The following MYRFL variants were observed in gnomAD, a reference collection of about 807,000 sequenced individuals.
MYRFL encodes the protein myelin regulatory factor like.
MYRFL carries 88 observed loss-of-function variants against 109.4 expected under a neutral mutation model. That is an observed-to-expected ratio of 0.80 (90% confidence interval 0.68 to 0.96). The LOEUF is 0.96. MYRFL is among the 40% of genes least tolerant of loss of function. The pLI is 0.00. For missense variants in MYRFL, 957 were observed against 954.9 expected, an observed-to-expected ratio of 1.00 and a Z score of -0.03; for synonymous variants, 324 against 320.9, an observed-to-expected ratio of 1.01 and a Z score of -0.10.
At chr12:69,882,840 A>G (rs1271724) in intron 5 of MYRFL, among the ~76,000 whole-genome samples, 115,571 of 152,086 alleles carry the variant, frequency 0.76, 43,997 homozygotes, top group East Asian at 0.83. Flanking sequence ...AGTCATGGCC[A>G]GTGGCCCACA....
intron 8 of MYRFL, among the ~76,000 whole-genome samples, chr12:69,894,584 C>T (rs911512653): frequency 6.6e-6 from 1 of 152,186 alleles, no homozygotes; most frequent in African/African-American, 2.4e-5. Context: ...ACTTAGAAGT[C>T]ATTTTTCCTT....
At chr12:69,949,342 G>C (rs928529228) in intron 19 of MYRFL, among the ~76,000 whole-genome samples, 1 of 151,792 alleles carries the variant, frequency 6.6e-6, no homozygotes, top group African/African-American at 2.4e-5. Context: ...ACTTTAAAAA[G>C]ATACATTAAA....
At chr12:69,873,003 C>T (rs548544864) in intron 2 of MYRFL, among the ~76,000 whole-genome samples, 1 of 152,140 alleles carries the variant, frequency 6.6e-6, no homozygotes, top group Non-Finnish European at 1.5e-5. Flanking sequence ...AATAGACCTC[C>T]TTATTCATGG....
intron 2 of MYRFL, among the ~76,000 whole-genome samples, chr12:69,877,001 G>GTCGT (rs1885702594): frequency 1.3e-5 from 1 of 78,546 alleles, no homozygotes; most frequent in African/African-American, 4.6e-5. Context: ...AAGGGTCCAG[G>GTCGT]TCTTTCTTTC....
At chr12:69,847,730 T>C (rs1443006016) in intron 1 of MYRFL, among the ~76,000 whole-genome samples, 1 of 152,208 alleles carries the variant, frequency 6.6e-6, no homozygotes, top group Non-Finnish European at 1.5e-5. Context: ...ATAAGACAAC[T>C]ATGATTTTTG....
rs79962683 is a variant in MYRFL at position 69,849,421 on chromosome 12, T to C, written c.47-5859T>C. 5.8e-3 allele frequency among the ~76,000 whole-genome samples: 890 copies of C among 152,368 alleles called. 11 individuals carry two copies. Among genetic ancestry groups the C allele is most frequent in the African/African-American group, 0.019 (790 of 41,584 alleles). ...CAGCATTTTATTTAGGATTTGAGTA[T>C]ACCATTCACAAATTATATTAGTCTA... On this transcript the variant is annotated intron_variant, in intron 1 of 24. Transcript: ENST00000552032.
At chr12:69,839,645 G>A (rs2464285) in intron 1 of MYRFL, among the ~76,000 whole-genome samples, 95,400 of 152,030 alleles carry the variant, frequency 0.63, 30,671 homozygotes, top group Non-Finnish European at 0.69. Flanking sequence ...TTCTCTGAAA[G>A]ATAGGGATAA....
At chr12:69,860,999 T>G (rs1884625179) in intron 2 of MYRFL, among the ~76,000 whole-genome samples, 1 of 148,372 alleles carries the variant, frequency 6.7e-6, no homozygotes, top group Non-Finnish European at 1.5e-5. Flanking sequence ...TATGCAGTGT[T>G]TGGTTTTTTG....
At position 69,952,861 on chromosome 12, in the gene MYRFL, T is replaced by C. The variant is rs1337789843; in HGVS notation, c.2350T>C (p.Tyr784His). The C allele has an allele frequency of 4.6e-6, 7 of 1,535,584 alleles. No individual in the cohort carries two copies. Among genetic ancestry groups the C allele is most frequent in the Non-Finnish European group, 4.4e-6 (5 of 1,146,614 alleles). Residue 784 changes from tyrosine (Y) to histidine (H), a missense_variant, in exon 21 of 25, where the codon TAT (tyrosine) becomes CAT (histidine). By Grantham distance (83) the Tyr-to-His change is moderately conservative. Transcript: ENST00000552032. Reference protein sequence around the residue: ...MEIQQIIDHQYCIQSLQCGSG... With the variant: ...MEIQQIIDHQHCIQSLQCGSG... ...AATCCAGCAAATAATAGATCATCAG[T>C]ATTGCATTCAAAGCCTCCAGTGCGG... is the stretch of plus-strand genomic sequence containing the variant.
chr12:69,878,026 T>TA (rs1250147347), intron 2 of MYRFL, among the ~76,000 whole-genome samples: 2 of 152,108 alleles, frequency 1.3e-5, no homozygotes, highest in African/African-American at 4.8e-5. Context: ...GCAGATCACC[T>TA]AAGGTCAGGA....
intron 2 of MYRFL, among the ~76,000 whole-genome samples, chr12:69,868,109 CTTTT>C (rs146729804): frequency 1.5e-5 from 2 of 135,662 alleles, no homozygotes; most frequent in Admixed American, 7.3e-5. Flanking sequence ...TTTTTTTTTT[CTTTT>C]TTTTTTTTTT....
Position 69,855,360 on chromosome 12 carries a change from T to G in MYRFL, c.127T>G (p.Leu43Val), listed in dbSNP as rs564577444. The G allele has an allele frequency of 1.9e-4, 135 of 702,718 alleles. 3 individuals are homozygous for G. Among genetic ancestry groups the G allele is most frequent in the South Asian group, 1.9e-3 (128 of 67,556 alleles). 43.5% of individuals were successfully genotyped at this position (702,718 alleles called of 1,614,324 possible). The change falls in exon 2 of 25, where the codon TTG (leucine) becomes GTG (valine). Residue 43 changes from leucine to valine, a missense_variant. Transcript: ENST00000552032. ...LEEFLGNDFD[L>V]GALQRQLPDT... is the part of the protein sequence containing the mutation. ...GGAATTTCTGGGCAATGACTTTGAT[T>G]TGGGGGCCTTGTAAGTAATGAGAGC...
At chr12:69,937,063 G>C (rs1194819788) in intron 19 of MYRFL, among the ~76,000 whole-genome samples, 1 of 152,094 alleles carries the variant, frequency 6.6e-6, no homozygotes, top group Non-Finnish European at 1.5e-5. Flanking sequence ...GAGATTTAAG[G>C]CAGTGAAAAA....
At chr12:69,912,213 C>T (rs189384830) in intron 13 of MYRFL, among the ~76,000 whole-genome samples, 1 of 152,298 alleles carries the variant, frequency 6.6e-6, no homozygotes, top group East Asian at 1.9e-4. Context: ...ATTCTTCAGT[C>T]TCTCTCCCAG....
chr12:69,943,064 T>A (rs1955714567), intron 19 of MYRFL, among the ~76,000 whole-genome samples: 1 of 151,356 alleles, frequency 6.6e-6, no homozygotes, highest in Admixed American at 6.6e-5. Context: ...CATTCCATGC[T>A]CATGGATAGG....
chr12:69,865,545 G>C (rs1432271257), intron 2 of MYRFL, among the ~76,000 whole-genome samples: 2 of 152,120 alleles, frequency 1.3e-5, no homozygotes, highest in Non-Finnish European at 2.9e-5. Flanking sequence ...TGCTCTGAGG[G>C]AGAAAAGGGG....
chr12:69,884,231 C>T (rs977352215), intron 5 of MYRFL, among the ~76,000 whole-genome samples: 1 of 152,206 alleles, frequency 6.6e-6, no homozygotes, highest in African/African-American at 2.4e-5. Flanking sequence ...TCTGGGACAG[C>T]ACCTGTGGTG....
At chr12:69,914,633 T>TATC (rs1345725012) in intron 13 of MYRFL, among the ~76,000 whole-genome samples, 2 of 152,218 alleles carry the variant, frequency 1.3e-5, no homozygotes, top group African/African-American at 4.8e-5. Context: ...CTTCTCTTTC[T>TATC]ATCAGTTCCA....
At chr12:69,872,332 T>C (rs943801928) in intron 2 of MYRFL, among the ~76,000 whole-genome samples, 2 of 152,282 alleles carry the variant, frequency 1.3e-5, no homozygotes, top group East Asian at 1.9e-4. Context: ...TCTGCCCTTT[T>C]TCCCCCTTAG....
Sources: gnomAD v4.1 joint callset for allele counts (sites outside exome capture counted in the v4.1 genomes callset) on GRCh38, gnomAD v4.1.1 for gene constraint, MANE v1.5 for transcripts, NCBI Gene and HGNC (gene_info 2026-07-23, HGNC 2026-07-21) for gene names.